Variants in ADAMTS9 observed in about 807,000 individuals in gnomAD.
The protein encoded by ADAMTS9 is A disintegrin and metalloproteinase with thrombospondin motifs 9.
In ADAMTS9, 107 loss-of-function variants were observed where a neutral mutation model predicts 257.1. That is an observed-to-expected ratio of 0.42 (90% CI 0.36 to 0.49). The LOEUF (loss-of-function observed/expected upper bound fraction) is 0.49. Ranked by LOEUF, ADAMTS9 falls within the 20% of genes least tolerant of loss-of-function variation. ADAMTS9 has a pLI of 0.03. For synonymous variants in ADAMTS9, 982 were observed against 880.9 expected, an observed-to-expected ratio of 1.11 and a Z score of -2.03; for missense variants, 2,353 against 2,469.1, an observed-to-expected ratio of 0.95 and a Z score of 1.00.
At chr3:64,669,495 C>T (rs1199107266) in intron 3 of ADAMTS9, among the ~76,000 whole-genome samples, 1 of 152,122 alleles carries the variant, frequency 6.6e-6, no homozygotes, top group Non-Finnish European at 1.5e-5. Context: ...GGGCCTTGAT[C>T]CTCTTATCCA....
chr3:64,594,169 G>T, intron 28 of ADAMTS9, 89 bp downstream of exon 28: 1 of 1,373,232 alleles, frequency 7.3e-7, no homozygotes, highest in Non-Finnish European at 1.0e-6. Context: ...GCCCTTGTAA[G>T]TGTGACAATT....
chr3:64,533,093 T>C, intron 38 of ADAMTS9, 73 bp downstream of exon 38: 1 of 1,382,252 alleles, frequency 7.2e-7, no homozygotes, highest in Non-Finnish European at 1.0e-6. Flanking sequence ...TCAGCACCAC[T>C]ACCACAGTAA....
chr3:64,596,914 G>T lies in ADAMTS9; in HGVS notation c.4095C>A (p.Asp1365Glu). 1 of 1,613,976 alleles carries T rather than the reference G, an allele frequency of 6.2e-7. No individual in the cohort carries two copies. The highest frequency in any genetic ancestry group is 8.5e-7 in the Non-Finnish European group (1 of 1,179,982). ...CATCAGGTTTTATTCTCTCCACACA[G>T]TCGTTTGCGGTGTATCCATTTTCAT... ...CQDENGYTANDCVERIKPDEQ... is the reference protein window; with the variant it reads ...CQDENGYTANECVERIKPDEQ... Residue 1365 changes from aspartate to glutamate, a missense_variant, in exon 27 of 40, where the codon GAC (aspartate) becomes GAA (glutamate). Asp to Glu is a conservative substitution (Grantham distance 45). Around this residue, in one of 3 missense-constraint regions of ADAMTS9, gnomAD observed 1,402 missense variants for 1,441.4 expected, o/e 0.97. Transcript: ENST00000498707.
chr3:64,625,022 CGTCT>C (rs1700193662), intron 16 of ADAMTS9, among the ~76,000 whole-genome samples: 1 of 152,016 alleles, frequency 6.6e-6, no homozygotes, highest in Admixed American at 6.6e-5. Context: ...CCCCCCTTAC[CGTCT>C]GTAATTTGTG....
At chr3:64,629,826 T>C (rs1700323779) in intron 16 of ADAMTS9, among the ~76,000 whole-genome samples, 1 of 152,228 alleles carries the variant, frequency 6.6e-6, no homozygotes, top group Admixed American at 6.5e-5. Flanking sequence ...GCAAATGCCA[T>C]AATGGAGTCA....
At chr3:64,626,749 G>A (rs1053469178) in intron 16 of ADAMTS9, among the ~76,000 whole-genome samples, 1 of 152,162 alleles carries the variant, frequency 6.6e-6, no homozygotes, top group Admixed American at 6.5e-5. Context: ...CCCATAGTAG[G>A]TGCTCAATCG....
At chr3:64,568,582 C>G in intron 28 of ADAMTS9, 47 bp from the exon 29 acceptor site, 1 of 1,597,642 alleles carries the variant, frequency 6.3e-7, no homozygotes, top group South Asian at 1.1e-5. Context: ...TTTAATTACA[C>G]GGAGTTTGAG....
intron 28 of ADAMTS9, 90 bp from the exon 29 acceptor site, chr3:64,568,625 G>A (rs1673030732): frequency 6.9e-7 from 1 of 1,456,772 alleles, no homozygotes; most frequent in Non-Finnish European, 9.5e-7. Flanking sequence ...TTAAGACAAT[G>A]CCTAACAAGA....
In ADAMTS9 at chr3:64,541,957, C is replaced by G; in HGVS notation, c.5078G>C (p.Cys1693Ser). The stretch of plus-strand genomic sequence containing the variant: ...AGATCTCTGCATCACTCCAACACCA[C>G]AAGACACTGAGCACTGTAAGACAAA... ...VGNWGSCSVS[C>S]GVGVMQRSVQ... is the part of the protein sequence containing the mutation. Residue 1693 changes from cysteine to serine, a missense_variant, in exon 33 of 40, where the codon TGT becomes TCT. Coordinates refer to ENST00000498707, the MANE Select transcript of ADAMTS9 (RefSeq NM_182920.2). 6.2e-7 allele frequency: 1 copy of G among 1,614,068 alleles called. No individual in the cohort carries two copies. Among genetic ancestry groups the G allele is most frequent in the Non-Finnish European group, 8.5e-7 (1 of 1,179,972 alleles).
intron 37 of ADAMTS9, among the ~76,000 whole-genome samples, chr3:64,533,735 CACCGCGT>C (rs1389659518): frequency 6.6e-6 from 1 of 152,226 alleles, no homozygotes; most frequent in Non-Finnish European, 1.5e-5. Context: ...GCGATTAGCA[CACCGCGT>C]ACTAAGCACA....
chr3:64,533,212 C>A lies in ADAMTS9; in HGVS notation c.5672G>T (p.Trp1891Leu). 1 of 1,613,468 alleles carries A rather than the reference C, an allele frequency of 6.2e-7. No homozygotes were observed. The highest frequency in any genetic ancestry group is 8.5e-7 in the Non-Finnish European group (1 of 1,179,582). Residue 1891 changes from tryptophan to leucine, a missense_variant, in exon 38 of 40, where the codon TGG becomes TTG. By Grantham distance (61) the Trp-to-Leu change is moderately conservative. Around this residue, in one of 3 missense-constraint regions of ADAMTS9, gnomAD observed 1,402 missense variants for 1,441.4 expected, o/e 0.97. Transcript: ENST00000498707. ...TGLSLTESAR[W>L]ISQGNYAVSD... ...GACAGCATAATTCCCTTGTGATATC[C>A]ATCTGGCAGATTCAGTTAAAGACAA...
At chr3:64,524,756 A>G (rs1048848659) in intron 38 of ADAMTS9, among the ~76,000 whole-genome samples, 1 of 152,134 alleles carries the variant, frequency 6.6e-6, no homozygotes, top group Non-Finnish European at 1.5e-5. Flanking sequence ...AAGTATGCCA[A>G]CTCCTAGTCT....
In ADAMTS9 at chr3:64,613,326, A is replaced by C; in HGVS notation, c.3354+19T>G. The C allele has an allele frequency of 4.3e-6, 7 of 1,611,264 alleles. No homozygotes were observed. Among genetic ancestry groups the C allele is most frequent in the Non-Finnish European group, 5.9e-6 (7 of 1,178,584 alleles). ...GAAGGAAAGAATGTAGCAGTTAAGAATCTTATCGTTCAAAATACCTGTCCC... is the reference window on the plus strand; with the variant it reads ...GAAGGAAAGAATGTAGCAGTTAAGACTCTTATCGTTCAAAATACCTGTCCC... On this transcript the variant is annotated intron_variant, in intron 22 of 39. Transcript: ENST00000498707.
At chr3:64,596,399 C>T (rs1416620665) in intron 27 of ADAMTS9, among the ~76,000 whole-genome samples, 1 of 152,158 alleles carries the variant, frequency 6.6e-6, no homozygotes, top group Non-Finnish European at 1.5e-5. Context: ...GGAATTATAA[C>T]ACCTACTCAA....
chr3:64,562,860 CA>C (rs2083451534), intron 29 of ADAMTS9: 1 of 152,172 alleles, frequency 6.6e-6, no homozygotes, highest in Non-Finnish European at 1.5e-5. Flanking sequence ...GAATCACACC[CA>C]AATGTATTCT....
Position 64,563,532 on chromosome 3 carries a change from G to A in ADAMTS9, c.4525-1781C>T, listed in dbSNP as rs550022723. Among the ~76,000 whole-genome samples, 16 of 152,114 alleles carry A rather than the reference G, an allele frequency of 1.1e-4. No homozygotes were observed. The East Asian group carries it at 3.1e-3, about 29-fold the overall frequency. ...TTTTAGAATGTATAAGACTATTCAG[G>A]CTACTAAATAAATGAAACCTCTTTT... On this transcript the variant is annotated intron_variant, in intron 29 of 39. Coordinates refer to ENST00000498707, the MANE Select transcript of ADAMTS9 (RefSeq NM_182920.2).
chr3:64,651,114 T>C lies in ADAMTS9; in HGVS notation c.1366A>G (p.Lys456Glu), dbSNP rs774100309. The change falls in exon 9 of 40, where the codon AAG becomes GAG. Residue 456 changes from lysine to glutamate, a missense_variant. Physicochemically the swap from Lys to Glu is moderately conservative, Grantham distance 56 (BLOSUM62 1). Coordinates refer to ENST00000498707, the MANE Select transcript of ADAMTS9 (RefSeq NM_182920.2). ...GGAGCCATGACATGCTGGGGACTCT[T>C]AACTCCTTCTTCTTTACATTTGTTG... ...DNNKCKEEGV[K>E]SPQHVMAPTL... The C allele has an allele frequency of 1.9e-6, 3 of 1,601,814 alleles. No homozygotes were observed. Among genetic ancestry groups the C allele is most frequent in the Non-Finnish European group, 2.6e-6 (3 of 1,175,910 alleles).
intron 12 of ADAMTS9, among the ~76,000 whole-genome samples, chr3:64,638,084 G>A (rs1700545457): frequency 6.6e-6 from 1 of 152,134 alleles, no homozygotes; most frequent in Admixed American, 6.5e-5. Context: ...AGAGCCTAAG[G>A]GGGAAATATC....
At position 64,651,342 on chromosome 3, in the gene ADAMTS9, A is replaced by C. The variant is rs1404911146; in HGVS notation, c.1317-179T>G. 2.0e-5 allele frequency among the ~76,000 whole-genome samples: 3 copies of C among 152,042 alleles called. No homozygotes were observed. The East Asian group carries it at 5.8e-4, about 29-fold the overall frequency. On this transcript the variant is annotated intron_variant, in intron 8 of 39. Coordinates refer to ENST00000498707, the MANE Select transcript of ADAMTS9 (RefSeq NM_182920.2). ...AATTCAAGATAGAGTGTAGATTAAA[A>C]CATAATTCTCACCCAACTTAATACG...
Sources: gnomAD v4.1 joint callset for allele counts (sites outside exome capture counted in the v4.1 genomes callset) on GRCh38, gnomAD v4.1.1 for gene constraint, gnomAD v4.1.1 regional missense constraint, MANE v1.5 for transcripts, NCBI Gene and HGNC (gene_info 2026-07-23, HGNC 2026-07-21) for gene names.